The following HDAC6 variants were observed in gnomAD, a reference collection of about 807,000 sequenced individuals.
HDAC6 encodes histone deacetylase 6.
A neutral mutation model predicts 88.9 loss-of-function variants in HDAC6; 5 were observed. The ratio of observed to expected loss-of-function variants is 0.06; its 90% CI spans 0.03 to 0.12. The LOEUF is 0.12. Ranked by LOEUF, HDAC6 falls within the 10% of genes least tolerant of loss-of-function variation. The pLI, the probability that HDAC6 is intolerant of heterozygous loss-of-function variation, is 1.00. For synonymous variants in HDAC6, 378 were observed against 398.0 expected (o/e 0.95, Z 0.60); for missense variants, 706 against 1,014.4 (o/e 0.70, Z 4.13).
chrX:48,811,085 C>T (rs1206041386), intron 10 of HDAC6: 1 of 111,463 alleles, frequency 9.0e-6, no homozygotes, highest in African/African-American at 3.3e-5. Flanking sequence ...GAGTGGATCA[C>T]TTGAGGCCAG....
intron 14 of HDAC6, 53 bp from the exon 15 acceptor site, chrX:48,815,331 C>A: frequency 1.2e-6 from 1 of 856,120 alleles, no homozygotes; most frequent in Non-Finnish European, 1.7e-6. Context: ...TATTATTATT[C>A]CCTGGTCATG....
intron 1 of HDAC6, chrX:48,802,437 G>T: frequency 2.0e-6 from 2 of 978,806 alleles, no homozygotes; most frequent in South Asian, 2.5e-5. Flanking sequence ...AAAGAGAATC[G>T]TGTAAAAGGG....
At chrX:48,807,539 AG>A (rs1347974211) in intron 8 of HDAC6, among the ~76,000 whole-genome samples, 1 of 112,128 alleles carries the variant, frequency 8.9e-6, no homozygotes, top group Non-Finnish European at 1.9e-5. Flanking sequence ...TTTGAGACGG[AG>A]TCTCGCTCTG....
chrX:48,801,611 C>G, upstream of HDAC6: 1 of 229,693 alleles, frequency 4.4e-6, no homozygotes. Flanking sequence ...GAACCGCCGG[C>G]GCCTGCCTTT....
chrX:48,823,837 G>A (rs1051023986), intron 26 of HDAC6, 52 bp downstream of exon 26: 3 of 1,197,012 alleles, frequency 2.5e-6, no homozygotes, highest in Admixed American at 2.2e-5. Flanking sequence ...GCCAATTTGT[G>A]TCTCCAGGTA....
Position 48,802,125 on chromosome X carries a change from G to T in HDAC6, c.-48G>T, listed in dbSNP as rs2062735334. 1.1e-6 allele frequency: 1 copy of T among 887,862 alleles called. No homozygotes were observed. The highest frequency in any genetic ancestry group is 2.1e-5 in the African/African-American group (1 of 46,802). The allele number at this position is 887,862 out of a possible 1,213,427, so 73.2% of individuals were successfully genotyped here. On this transcript the variant is annotated 5_prime_UTR_variant, in exon 1 of 29. Transcript: ENST00000334136. ...GGGCTGGTTGAAACGCTAGGGGCGGGATCTGGCGGAGTGGAAGGTACCGGT... is the reference window on the plus strand; with the variant it reads ...GGGCTGGTTGAAACGCTAGGGGCGGTATCTGGCGGAGTGGAAGGTACCGGT...
At chrX:48,824,467 G>T in intron 28 of HDAC6, 77 bp from the exon 29 acceptor site, 1 of 1,067,309 alleles carries the variant, frequency 9.4e-7, no homozygotes, top group South Asian at 1.9e-5. Context: ...TTGAGGGCTG[G>T]AGTGGGGGCA....
At position 48,814,403 on chromosome X, in the gene HDAC6, T is replaced by C. The variant is rs1557026631; in HGVS notation, c.807-37T>C. ...TTGGGGGTGTCTATGGGGATTGACTTCTCCAACTCTCTTACCTCTTTTTCT... is the reference window on the plus strand; with the variant it reads ...TTGGGGGTGTCTATGGGGATTGACTCCTCCAACTCTCTTACCTCTTTTTCT... On this transcript the variant is annotated intron_variant, in intron 10 of 28. Transcript: ENST00000334136. The C allele has an allele frequency of 4.2e-6, 5 of 1,202,334 alleles. No individual in the cohort carries two copies. In the Admixed American group the frequency reaches 1.1e-4, roughly 26 times the overall value.
intron 19 of HDAC6, 41 bp downstream of exon 19, chrX:48,816,674 A>T (rs781837182): frequency 8.8e-7 from 1 of 1,137,574 alleles, no homozygotes; most frequent in East Asian, 3.0e-5. Flanking sequence ...ACCTGGGGGG[A>T]ATGGAAAAAG....
chrX:48,816,443 G>A, intron 18 of HDAC6, 22 bp from the exon 19 acceptor site: 1 of 1,186,760 alleles, frequency 8.4e-7, no homozygotes, highest in Non-Finnish European at 1.1e-6. Flanking sequence ...TGTCCTGCGG[G>A]TGCTCCTCTC....
chrX:48,817,176 T>C, intron 19 of HDAC6, 150 bp from the exon 20 acceptor site: 1 of 600,191 alleles, frequency 1.7e-6, no homozygotes, highest in Non-Finnish European at 2.3e-6. Flanking sequence ...GGCGGGAACC[T>C]GGCAGGCGGC....
At chrX:48,803,660 T>C (rs2062764791) in intron 4 of HDAC6, among the ~76,000 whole-genome samples, 1 of 111,835 alleles carries the variant, frequency 8.9e-6, no homozygotes, top group Non-Finnish European at 1.9e-5. Flanking sequence ...TGCTTTACTT[T>C]TCAAAAAGAA....
intron 8 of HDAC6, 114 bp from the exon 9 acceptor site, chrX:48,807,919 A>T: frequency 1.9e-6 from 1 of 514,977 alleles, no homozygotes; most frequent in Non-Finnish European, 3.3e-6. Flanking sequence ...GCAGATTTTT[A>T]GGCATCAGCA....
chrX:48,811,786 T>C, intron 10 of HDAC6, among the ~76,000 whole-genome samples: 1 of 112,402 alleles, frequency 8.9e-6, no homozygotes, highest in East Asian at 2.8e-4. Flanking sequence ...TCATTAATTT[T>C]TCTGGTTTTA....
intron 1 of HDAC6, 87 bp from the exon 2 acceptor site, chrX:48,802,576 G>A: frequency 8.7e-7 from 1 of 1,149,712 alleles, no homozygotes; most frequent in African/African-American, 1.8e-5. Context: ...CTAATAGAGG[G>A]GGCGGAGCCT....
intron 4 of HDAC6, among the ~76,000 whole-genome samples, chrX:48,804,973 A>G: frequency 9.0e-6 from 1 of 110,742 alleles, no homozygotes; most frequent in Non-Finnish European, 1.9e-5. Flanking sequence ...ATTTGGTTCA[A>G]CTGAGAACCA....
At chrX:48,805,926 T>C (rs1369454668) in intron 6 of HDAC6, 12 of 426,183 alleles carry the variant, frequency 2.8e-5, no homozygotes, top group East Asian at 7.7e-5. Context: ...ATTACTGTTA[T>C]CATGATCTGA....
At chrX:48,803,485 C>A (rs1172661761) in intron 4 of HDAC6, 1 of 342,413 alleles carries the variant, frequency 2.9e-6, no homozygotes, top group Non-Finnish European at 5.2e-6. Context: ...GAGGGCAGAT[C>A]ATTAAACAGC....
intron 6 of HDAC6, 56 bp downstream of exon 6, chrX:48,805,727 G>A: frequency 1.9e-6 from 2 of 1,028,910 alleles, no homozygotes; most frequent in South Asian, 2.0e-5. Flanking sequence ...GACAAACCAG[G>A]GCAAGCTAAA....
Sources: gnomAD v4.1 joint callset for allele counts (sites outside exome capture counted in the v4.1 genomes callset) on GRCh38, gnomAD v4.1.1 for gene constraint, MANE v1.5 for transcripts, NCBI Gene and HGNC (gene_info 2026-07-23, HGNC 2026-07-21) for gene names.